CLYBL: variants seen among roughly 807,000 people sequenced by gnomAD.
CLYBL encodes the protein citramalyl-CoA lyase.
In CLYBL, 31 loss-of-function variants were observed where a neutral mutation model predicts 38.9. The ratio of observed to expected loss-of-function variants is 0.80; its 90% CI spans 0.60 to 1.08. CLYBL has a LOEUF of 1.08. CLYBL is among the 50% of genes least tolerant of loss of function. The pLI is 0.00. For synonymous variants in CLYBL, 171 were observed against 158.6 expected, an observed-to-expected ratio of 1.08 and a Z score of -0.59; for missense variants, 434 against 411.6, an observed-to-expected ratio of 1.05 and a Z score of -0.47.
intron 1 of CLYBL, among the ~76,000 whole-genome samples, chr13:99,673,591 C>T (rs1030933350): frequency 1.3e-5 from 2 of 152,118 alleles, no homozygotes; most frequent in Admixed American, 6.6e-5. Context: ...GGTAGAGCAG[C>T]CCTGTGTGTC....
intron 1 of CLYBL, among the ~76,000 whole-genome samples, chr13:99,613,099 C>T (rs970823731): frequency 6.6e-6 from 1 of 151,756 alleles, no homozygotes; most frequent in Non-Finnish European, 1.5e-5. Context: ...TTAATTCCCT[C>T]TAGCAAATTT....
At chr13:99,821,986 G>T (rs2050597413) in intron 2 of CLYBL, among the ~76,000 whole-genome samples, 1 of 152,148 alleles carries the variant, frequency 6.6e-6, no homozygotes, top group Non-Finnish European at 1.5e-5. Flanking sequence ...CTGGAACTCT[G>T]CCACCTAATT....
downstream of CLYBL, among the ~76,000 whole-genome samples, chr13:99,901,105 G>A (rs1256284111): frequency 1.3e-5 from 2 of 152,148 alleles, no homozygotes; most frequent in African/African-American, 4.8e-5. Flanking sequence ...GGCATGATGT[G>A]GATGCCAGCG....
intron 7 of CLYBL, chr13:99,884,925 GAA>G (rs773367070): frequency 6.4e-6 from 3 of 469,002 alleles, no homozygotes; most frequent in Admixed American, 2.4e-5. Flanking sequence ...CCAAATTAAA[GAA>G]AAAGAGTGAC....
At chr13:99,688,944 C>G (rs1442437429) in intron 1 of CLYBL, among the ~76,000 whole-genome samples, 1 of 152,160 alleles carries the variant, frequency 6.6e-6, no homozygotes, top group Admixed American at 6.5e-5. Context: ...CTGACAAAAG[C>G]TAGTGGTACA....
At chr13:99,803,116 A>C (rs1243855062) in intron 2 of CLYBL, among the ~76,000 whole-genome samples, 1 of 152,254 alleles carries the variant, frequency 6.6e-6, no homozygotes, top group Non-Finnish European at 1.5e-5. Context: ...GACTAGACCA[A>C]CAAGGGGTAA....
intron 7 of CLYBL, among the ~76,000 whole-genome samples, chr13:99,873,740 A>C (rs1022071115): frequency 6.6e-6 from 1 of 152,194 alleles, no homozygotes; most frequent in Non-Finnish European, 1.5e-5. Context: ...TTCTATAGTA[A>C]TAATCATTAC....
intron 1 of CLYBL, among the ~76,000 whole-genome samples, chr13:99,664,928 A>G (rs1241704061): frequency 1.3e-5 from 2 of 152,144 alleles, no homozygotes; most frequent in African/African-American, 4.8e-5. Flanking sequence ...TAATTATAGC[A>G]TAATAATAAA....
At chr13:99,711,969 C>A (rs184607195) in intron 1 of CLYBL, among the ~76,000 whole-genome samples, 307 of 152,224 alleles carry the variant, frequency 2.0e-3, no homozygotes, top group Middle Eastern at 0.014. Flanking sequence ...CCCGCCTTGG[C>A]CTCCCAAAGT....
intron 2 of CLYBL, among the ~76,000 whole-genome samples, chr13:99,805,759 G>T (rs1171903524): frequency 1.3e-5 from 2 of 152,120 alleles, no homozygotes; most frequent in Admixed American, 6.5e-5. Context: ...TAAAAGCAAT[G>T]AAGAATATCT....
At chr13:99,748,947 G>A (rs1482843171) in intron 1 of CLYBL, among the ~76,000 whole-genome samples, 1 of 152,134 alleles carries the variant, frequency 6.6e-6, no homozygotes, top group Non-Finnish European at 1.5e-5. Context: ...GGGAGGCCAA[G>A]GTGTGCGGAT....
intron 1 of CLYBL, among the ~76,000 whole-genome samples, chr13:99,625,174 G>A (rs1476453604): frequency 2.0e-5 from 3 of 152,152 alleles, no homozygotes; most frequent in East Asian, 1.9e-4. Flanking sequence ...GCTGTCCATC[G>A]GGCTGTAAGC....
chr13:99,805,798 A>G (rs2050221327), intron 2 of CLYBL, among the ~76,000 whole-genome samples: 1 of 152,176 alleles, frequency 6.6e-6, no homozygotes, highest in African/African-American at 2.4e-5. Flanking sequence ...TTCTGAATCC[A>G]CCAAGCTCAC....
intron 2 of CLYBL, among the ~76,000 whole-genome samples, chr13:99,825,092 T>G (rs79022170): frequency 0.013 from 1,925 of 152,294 alleles, 54 homozygotes; most frequent in African/African-American, 0.043. Context: ...AGACAGTCAC[T>G]TCATGGTTTC....
chr13:99,739,029 A>G (rs1825839959), intron 1 of CLYBL, among the ~76,000 whole-genome samples: 1 of 152,236 alleles, frequency 6.6e-6, no homozygotes, highest in South Asian at 2.1e-4. Flanking sequence ...TAATCCTTAA[A>G]AAGAGTAAAA....
intron 1 of CLYBL, among the ~76,000 whole-genome samples, chr13:99,691,279 T>A (rs2047897779): frequency 6.6e-6 from 1 of 152,222 alleles, no homozygotes; most frequent in Non-Finnish European, 1.5e-5. Context: ...ATTTTCTTAA[T>A]CAATATCTAA....
rs929825201 is a variant in CLYBL at position 99,858,779 on chromosome 13, C to T, written c.250-82C>T. 16 of 920,292 alleles carry T rather than the reference C, an allele frequency of 1.7e-5. No homozygotes were observed. In the East Asian group the frequency reaches 3.4e-4, roughly 20 times the overall value. The allele number at this position is 920,292 out of a possible 1,614,324, so 57.0% of individuals were successfully genotyped here. On this transcript the variant is annotated intron_variant, in intron 2 of 8. Coordinates refer to ENST00000339105, the MANE Select transcript of CLYBL (RefSeq NM_206808.5). ...AATAATGGTGCTCAGACTCTGAATCCACATAACAGTTTCATCAACCATTTG... is the reference window on the plus strand; with the variant it reads ...AATAATGGTGCTCAGACTCTGAATCTACATAACAGTTTCATCAACCATTTG...
intron 1 of CLYBL, among the ~76,000 whole-genome samples, chr13:99,698,186 T>C (rs974350710): frequency 9.9e-5 from 15 of 152,080 alleles, no homozygotes; most frequent in Non-Finnish European, 1.0e-4. Flanking sequence ...TTGTTTGTTT[T>C]GTTTGTGTTT....
chr13:99,609,742 T>G (rs1162285130), intron 1 of CLYBL, among the ~76,000 whole-genome samples: 3 of 152,080 alleles, frequency 2.0e-5, no homozygotes, highest in Non-Finnish European at 4.4e-5. Context: ...TTTCGCCATG[T>G]TGCTCAGGCT....
Sources: allele counts gnomAD v4.1 joint callset (sites outside exome capture counted in the v4.1 genomes callset), GRCh38; gene constraint gnomAD v4.1.1; transcripts MANE v1.5; gene names NCBI Gene and HGNC (gene_info 2026-07-23, HGNC 2026-07-21).